Variants in PRICKLE1 observed in about 807,000 individuals in gnomAD.
The protein encoded by PRICKLE1 is prickle-like protein 1.
PRICKLE1 carries 14 observed loss-of-function variants against 70.2 expected under a neutral mutation model. The ratio of observed to expected loss-of-function variants is 0.20; its 90% CI spans 0.13 to 0.31. The LOEUF (loss-of-function observed/expected upper bound fraction) is 0.31, where lower values mean the gene tolerates loss of function less well. PRICKLE1 is among the 10% of genes least tolerant of loss of function. PRICKLE1 has a pLI of 1.00. For synonymous variants in PRICKLE1, 357 were observed against 379.9 expected, an observed-to-expected ratio of 0.94 and a Z score of 0.70; for missense variants, 821 against 1,026.2, an observed-to-expected ratio of 0.80 and a Z score of 2.73.
chr12:42,542,522 A>G (rs540970220), intron 1 of PRICKLE1, among the ~76,000 whole-genome samples: 11 of 152,026 alleles, frequency 7.2e-5, no homozygotes, highest in Non-Finnish European at 1.5e-4. Flanking sequence ...GTGGTGGTGC[A>G]TGCCTATAAT....
At chr12:42,503,932 G>A (rs1939359174) in intron 1 of PRICKLE1, among the ~76,000 whole-genome samples, 1 of 152,112 alleles carries the variant, frequency 6.6e-6, no homozygotes, top group South Asian at 2.1e-4. Context: ...AAGTAGCAAA[G>A]GGAATTCTTG....
At chr12:42,527,208 C>T (rs1939820832) in intron 1 of PRICKLE1, among the ~76,000 whole-genome samples, 1 of 139,882 alleles carries the variant, frequency 7.1e-6, no homozygotes, top group African/African-American at 2.7e-5. Flanking sequence ...TCTCGGCTCA[C>T]TGCAATCTCT....
chr12:42,486,389 T>A (rs946686908), intron 1 of PRICKLE1, among the ~76,000 whole-genome samples: 1 of 152,204 alleles, frequency 6.6e-6, no homozygotes, highest in Admixed American at 6.5e-5. Context: ...TTAATAAACA[T>A]GAGTTAAGTG....
chr12:42,511,267 G>T (rs1939508626), intron 1 of PRICKLE1, among the ~76,000 whole-genome samples: 1 of 152,180 alleles, frequency 6.6e-6, no homozygotes, highest in South Asian at 2.1e-4. Flanking sequence ...ACAAGGGTGA[G>T]GAGACTGCTG....
In PRICKLE1 at chr12:42,576,365, T is replaced by C. The variant is rs1940806831; in HGVS notation, c.-49+13100A>G. ...AACAGAAAACACTGTGAACTGCTCCTAAAGCATCTCTGCAAAAGTGTGTCA... is the reference window on the plus strand; with the variant it reads ...AACAGAAAACACTGTGAACTGCTCCCAAAGCATCTCTGCAAAAGTGTGTCA... On this transcript the variant is annotated intron_variant, in intron 1 of 7. Transcript: ENST00000345127. Among the ~76,000 whole-genome samples the C allele has an allele frequency of 2.0e-5, 3 of 152,222 alleles. No individual in the cohort carries two copies. The South Asian group carries it at 6.2e-4, about 32-fold the overall frequency.
intron 1 of PRICKLE1, among the ~76,000 whole-genome samples, chr12:42,518,172 T>C (rs1404222151): frequency 6.6e-6 from 1 of 152,020 alleles, no homozygotes; most frequent in African/African-American, 2.4e-5. Context: ...GCCTCCTGCG[T>C]AGCTGGAAAC....
chr12:42,523,846 C>G (rs1314838948), intron 1 of PRICKLE1, among the ~76,000 whole-genome samples: 1 of 152,174 alleles, frequency 6.6e-6, no homozygotes, highest in Admixed American at 6.5e-5. Flanking sequence ...TGATGTCAAA[C>G]ACAGCATTCT....
At chr12:42,513,496 G>A (rs1296581651) in intron 1 of PRICKLE1, among the ~76,000 whole-genome samples, 1 of 152,040 alleles carries the variant, frequency 6.6e-6, no homozygotes, top group East Asian at 1.9e-4. Context: ...AGGCTGCAGC[G>A]TGCTATGATA....
intron 3 of PRICKLE1, chr12:42,469,950 A>G: frequency 2.0e-6 from 1 of 493,530 alleles, no homozygotes; most frequent in South Asian, 2.1e-5. Flanking sequence ...GAATGACCAT[A>G]AAGCATTCAC....
At chr12:42,478,705 T>C (rs2140144562) in intron 1 of PRICKLE1, among the ~76,000 whole-genome samples, 1 of 150,128 alleles carries the variant, frequency 6.7e-6, no homozygotes, top group African/African-American at 2.4e-5. Flanking sequence ...CCCAAGGTCA[T>C]GTAGAGAGAG....
At position 42,578,474 on chromosome 12, in the gene PRICKLE1, T is replaced by C. The variant is rs146314493; in HGVS notation, c.-49+10991A>G. 3.2e-3 allele frequency among the ~76,000 whole-genome samples: 489 copies of C among 152,270 alleles called. 2 individuals are homozygous for C. Among genetic ancestry groups the C allele is most frequent in the African/African-American group, 0.011 (461 of 41,560 alleles). On this transcript the variant is annotated intron_variant, in intron 1 of 7. Transcript: ENST00000345127. The stretch of plus-strand genomic sequence containing the variant: ...TTGCACATATTCAATCTTCTATTAA[T>C]ATAGCATCCCTTTGCTAGATGATTA...
chr12:42,507,148 T>G (rs1939435012), intron 1 of PRICKLE1, among the ~76,000 whole-genome samples: 1 of 152,202 alleles, frequency 6.6e-6, no homozygotes, highest in African/African-American at 2.4e-5. Flanking sequence ...GGATGTAAAT[T>G]AACTGCTGTC....
At chr12:42,477,139 A>G (rs1272340464) in intron 1 of PRICKLE1, among the ~76,000 whole-genome samples, 3 of 151,908 alleles carry the variant, frequency 2.0e-5, no homozygotes, top group South Asian at 2.1e-4. Context: ...TTGGGAGGCC[A>G]AGGCGGGTGG....
intron 1 of PRICKLE1, among the ~76,000 whole-genome samples, chr12:42,531,488 G>A (rs1939917776): frequency 6.6e-6 from 1 of 152,110 alleles, no homozygotes; most frequent in African/African-American, 2.4e-5. Context: ...CTCCATCGTA[G>A]TATTACAAAG....
chr12:42,559,376 T>C (rs1940462393), intron 1 of PRICKLE1, among the ~76,000 whole-genome samples: 2 of 152,040 alleles, frequency 1.3e-5, no homozygotes, highest in East Asian at 1.9e-4. Context: ...TTTCTCTTTT[T>C]AAGTTTTTAA....
chr12:42,525,129 G>A (rs1268082310), intron 1 of PRICKLE1: 2 of 152,140 alleles, frequency 1.3e-5, no homozygotes, highest in African/African-American at 2.4e-5. Context: ...CACCAACTTA[G>A]TAAATTTAAT....
rs116367807 is a variant in PRICKLE1 at position 42,463,206 on chromosome 12, G to A, written c.1639+1189C>T. Among the ~76,000 whole-genome samples the A allele has an allele frequency of 6.0e-3, 911 of 152,002 alleles. 10 individuals are homozygous for A. Among genetic ancestry groups the A allele is most frequent in the African/African-American group, 0.021 (872 of 41,442 alleles). On this transcript the variant is annotated intron_variant, in intron 7 of 7. Transcript: ENST00000345127. The stretch of plus-strand genomic sequence containing the variant: ...CTCATGAGGCTGAGGCAGGAGAATC[G>A]CTTAAACTCAGGAACCTGAGAGGCA...
intron 1 of PRICKLE1, among the ~76,000 whole-genome samples, chr12:42,497,309 G>T (rs1484231923): frequency 6.6e-6 from 1 of 152,156 alleles, no homozygotes; most frequent in Non-Finnish European, 1.5e-5. Context: ...ACTTTGGGAG[G>T]CCAGGGCGGG....
chr12:42,524,782 T>G (rs988547780), intron 1 of PRICKLE1: 1 of 152,008 alleles, frequency 6.6e-6, no homozygotes. Flanking sequence ...AGAATATTTG[T>G]TTTTTTGGAA....
Sources: allele counts gnomAD v4.1 joint callset (sites outside exome capture counted in the v4.1 genomes callset), GRCh38; gene constraint gnomAD v4.1.1; transcripts MANE v1.5; gene names NCBI Gene and HGNC (gene_info 2026-07-23, HGNC 2026-07-21).